SESN1: variants seen among roughly 807,000 people sequenced by gnomAD.
SESN1 encodes the protein sestrin-1.
A neutral mutation model predicts 59.3 loss-of-function variants in SESN1; 30 were observed. The ratio of observed to expected loss-of-function variants is 0.51; its 90% CI spans 0.38 to 0.69. SESN1 has a LOEUF of 0.69. SESN1 is among the 30% of genes least tolerant of loss of function. The pLI is 0.00. For missense variants in SESN1, 566 were observed against 673.0 expected (o/e 0.84, Z 1.76); for synonymous variants, 197 against 219.9 (o/e 0.90, Z 0.92).
In SESN1 at chr6:109,008,961, C is replaced by G. The variant is rs1474389044; in HGVS notation, c.280-6618G>C. On this transcript the variant is annotated intron_variant, in intron 1 of 9. Transcript: ENST00000436639. Reference sequence around the variant, plus strand: ...ATCTGTTTTCACAAGACAAGACAATCGAGGGGGCATATCCACAGGCTGTTT... The same window carrying G: ...ATCTGTTTTCACAAGACAAGACAATGGAGGGGGCATATCCACAGGCTGTTT... 7.0e-6 allele frequency: 7 copies of G among 998,876 alleles called. No individual in the cohort carries two copies. In the South Asian group the frequency reaches 2.8e-4, roughly 40 times the overall value. The allele number at this position is 998,876 out of a possible 1,614,324, so 61.9% of individuals were successfully genotyped here.
At chr6:109,029,476 C>T (rs1006376179) in intron 1 of SESN1, among the ~76,000 whole-genome samples, 1 of 152,056 alleles carries the variant, frequency 6.6e-6, no homozygotes, top group African/African-American at 2.4e-5. Flanking sequence ...TAAATGTTGC[C>T]ACTTCCTACA....
intron 1 of SESN1, among the ~76,000 whole-genome samples, chr6:109,093,188 A>G (rs189608144): frequency 1.3e-5 from 2 of 152,232 alleles, no homozygotes; most frequent in Non-Finnish European, 2.9e-5. Flanking sequence ...GAAACAATTC[A>G]GGCAAACACA....
At position 108,987,271 on chromosome 6, in the gene SESN1, G is replaced by A; in HGVS notation, c.*273C>T. ...AGGATTTGGAGAGTTACTATTTGCT[G>A]TATTAAAACAGTTACACAGCATCTT... On this transcript the variant is annotated 3_prime_UTR_variant, in exon 10 of 10. Coordinates refer to ENST00000436639, the MANE Select transcript of SESN1 (RefSeq NM_014454.3). 3.1e-6 allele frequency: 1 copy of A among 325,460 alleles called. No individual in the cohort carries two copies. The highest frequency in any genetic ancestry group is 5.6e-6 in the Non-Finnish European group (1 of 179,514). The allele number at this position is 325,460 out of a possible 1,614,324, so 20.2% of individuals were successfully genotyped here.
chr6:109,088,650 A>G (rs944831403), intron 1 of SESN1, among the ~76,000 whole-genome samples: 40 of 152,188 alleles, frequency 2.6e-4, no homozygotes, highest in African/African-American at 8.9e-4. Flanking sequence ...TTCTTGGAAA[A>G]GTACTTGGCT....
intron 1 of SESN1, among the ~76,000 whole-genome samples, chr6:109,029,757 C>A (rs1023080980): frequency 6.6e-6 from 1 of 152,116 alleles, no homozygotes; most frequent in Non-Finnish European, 1.5e-5. Context: ...GTCTTTATCT[C>A]CTTGCCTCAA....
chr6:109,073,420 T>G (rs1312404181), intron 1 of SESN1, among the ~76,000 whole-genome samples: 1 of 152,200 alleles, frequency 6.6e-6, no homozygotes, highest in Non-Finnish European at 1.5e-5. Context: ...CTCGGCTATT[T>G]AAACTTGGAA....
At chr6:109,011,611 T>C (rs185823410) in intron 1 of SESN1, among the ~76,000 whole-genome samples, 7 of 151,510 alleles carry the variant, frequency 4.6e-5, no homozygotes, top group Admixed American at 2.6e-4. Context: ...TTCCAACAAA[T>C]GTATTTTTAA....
At chr6:109,060,587 A>G (rs1023858339) in intron 1 of SESN1, among the ~76,000 whole-genome samples, 3 of 152,212 alleles carry the variant, frequency 2.0e-5, no homozygotes, top group African/African-American at 4.8e-5. Context: ...CCTCAAAGGC[A>G]AAGACAATTC....
chr6:109,008,561 TTTAG>T (rs1779782880), intron 1 of SESN1, among the ~76,000 whole-genome samples: 1 of 152,186 alleles, frequency 6.6e-6, no homozygotes, highest in African/African-American at 2.4e-5. Flanking sequence ...ACCACGTCAT[TTTAG>T]TGAGTAAAGC....
intron 1 of SESN1, among the ~76,000 whole-genome samples, chr6:109,013,676 G>A (rs1779892978): frequency 6.6e-6 from 1 of 152,168 alleles, no homozygotes; most frequent in South Asian, 2.1e-4. Context: ...TGCAGTAATT[G>A]GTTAGAAAAC....
intron 1 of SESN1, among the ~76,000 whole-genome samples, chr6:109,072,540 C>T (rs1437795880): frequency 6.6e-6 from 1 of 152,190 alleles, no homozygotes; most frequent in Non-Finnish European, 1.5e-5. Context: ...ATTTAGGCTT[C>T]TGTATCATTT....
intron 1 of SESN1, among the ~76,000 whole-genome samples, chr6:109,058,865 TA>T (rs1780681972): frequency 7.7e-6 from 1 of 130,578 alleles, no homozygotes; most frequent in African/African-American, 2.9e-5. Flanking sequence ...GAATAGAAAA[TA>T]ACTTCAGTAA....
intron 1 of SESN1, among the ~76,000 whole-genome samples, chr6:109,037,312 A>G (rs1171122209): frequency 6.6e-6 from 1 of 152,198 alleles, no homozygotes; most frequent in Non-Finnish European, 1.5e-5. Context: ...TTAAATTGGA[A>G]TTTAGGGCAC....
Position 109,094,265 on chromosome 6 carries a change from T to C in SESN1, c.-192A>G, listed in dbSNP as rs1781424375. The C allele has an allele frequency of 3.3e-6, 2 of 606,142 alleles. No homozygotes were observed. The highest frequency in any genetic ancestry group is 2.8e-5 in the East Asian group (1 of 35,372). The allele number at this position is 606,142 out of a possible 1,614,324, so 37.5% of individuals were successfully genotyped here. On this transcript the variant is annotated 5_prime_UTR_variant, in exon 1 of 10. Transcript: ENST00000436639. The stretch of plus-strand genomic sequence containing the variant: ...TACAAGCTAGGTCACCCTCTCACCC[T>C]CTCCTTGTACACGAAAGGGCAGTCT...
At chr6:109,015,469 AC>A (rs1025723729) in intron 1 of SESN1, among the ~76,000 whole-genome samples, 2 of 152,220 alleles carry the variant, frequency 1.3e-5, no homozygotes, top group Admixed American at 1.3e-4. Flanking sequence ...ACACTTTGTA[AC>A]CAAGTTTGGC....
intron 6 of SESN1, 142 bp from the exon 7 acceptor site, chr6:108,993,041 A>G: frequency 1.7e-6 from 1 of 590,250 alleles, no homozygotes; most frequent in Non-Finnish European, 3.0e-6. Flanking sequence ...AATTATACAA[A>G]GTAGTTTACT....
intron 4 of SESN1, 99 bp downstream of exon 4, chr6:109,000,392 T>C (rs1779590256): frequency 3.4e-6 from 3 of 884,902 alleles, no homozygotes; most frequent in South Asian, 3.2e-5. Flanking sequence ...GGGTAGAAAA[T>C]AGGAACTCTC....
Position 109,066,012 on chromosome 6 carries a change from G to C in SESN1, c.279+27783C>G, listed in dbSNP as rs140608338. Among the ~76,000 whole-genome samples the C allele has an allele frequency of 3.3e-4, 50 of 152,078 alleles. No homozygotes were observed. The East Asian group carries it at 8.5e-3, about 26-fold the overall frequency. On this transcript the variant is annotated intron_variant, in intron 1 of 9. Coordinates refer to ENST00000436639, the MANE Select transcript of SESN1 (RefSeq NM_014454.3). ...AGAGGCAAGTTTAAGAGGGATAAAAGAATCACTACTATCCATACTCAGTGA... is the reference window on the plus strand; with the variant it reads ...AGAGGCAAGTTTAAGAGGGATAAAACAATCACTACTATCCATACTCAGTGA...
intron 1 of SESN1, among the ~76,000 whole-genome samples, chr6:109,084,231 T>C (rs977125713): frequency 6.6e-6 from 1 of 152,192 alleles, no homozygotes; most frequent in Admixed American, 6.5e-5. Context: ...ACAAAGCTCA[T>C]GTCATAAATT....
Sources: gnomAD v4.1 joint callset for allele counts (sites outside exome capture counted in the v4.1 genomes callset) on GRCh38, gnomAD v4.1.1 for gene constraint, MANE v1.5 for transcripts, NCBI Gene and HGNC (gene_info 2026-07-23, HGNC 2026-07-21) for gene names.